RBFOX2: variants seen among roughly 807,000 people sequenced by gnomAD.
RBFOX2 encodes the protein RNA binding fox-1 homolog 2.
In RBFOX2, 10 loss-of-function variants were observed where a neutral mutation model predicts 49.1. That is an observed-to-expected ratio of 0.20 (90% CI 0.13 to 0.35). RBFOX2 has a LOEUF of 0.35. Among genes scored for constraint, RBFOX2 ranks in the 10% least tolerant of loss-of-function variants. RBFOX2 has a pLI of 1.00. For synonymous variants in RBFOX2, 183 were observed against 187.4 expected, an observed-to-expected ratio of 0.98 and a Z score of 0.19; for missense variants, 323 against 486.9, an observed-to-expected ratio of 0.66 and a Z score of 3.17.
At chr22:35,867,776 T>C (rs902836299) in intron 1 of RBFOX2, among the ~76,000 whole-genome samples, 1 of 152,228 alleles carries the variant, frequency 6.6e-6, no homozygotes, top group Non-Finnish European at 1.5e-5. Context: ...TTTAAATTTT[T>C]TCTTTTTTAC....
chr22:35,805,123 T>TA lies in RBFOX2; in HGVS notation c.252+4656dup, dbSNP rs1183703595. ...TAACACAGTGAAACCCCGTCTCTAC[T>TA]AAAAAAAACACAAAAAATTAGCCGG... On this transcript the variant is annotated intron_variant, in intron 2 of 11. Coordinates refer to ENST00000405409, the Ensembl canonical transcript of RBFOX2. Among the ~76,000 whole-genome samples, 337 of 150,800 alleles carry TA rather than the reference T, an allele frequency of 2.2e-3. 6 individuals are homozygous for TA. Among genetic ancestry groups the TA allele is most frequent in the Middle Eastern group, 3.4e-3 (1 of 292 alleles).
intron 2 of RBFOX2, among the ~76,000 whole-genome samples, chr22:35,806,102 G>A (rs1270731102): frequency 6.6e-6 from 1 of 152,122 alleles, no homozygotes; most frequent in East Asian, 1.9e-4. Context: ...ACGTACACCA[G>A]TAAGAGTAAA....
At chr22:35,897,032 G>A (rs1457630946) in intron 1 of RBFOX2, among the ~76,000 whole-genome samples, 2 of 152,104 alleles carry the variant, frequency 1.3e-5, no homozygotes, top group Non-Finnish European at 2.9e-5. Flanking sequence ...ATACCATACT[G>A]TAAATAACTA....
intron 1 of RBFOX2, among the ~76,000 whole-genome samples, chr22:35,957,812 A>G (rs1244637702): frequency 6.6e-6 from 1 of 152,244 alleles, no homozygotes; most frequent in Non-Finnish European, 1.5e-5. Flanking sequence ...TCTGAATGGA[A>G]TAACAGACTA....
intron 1 of RBFOX2, among the ~76,000 whole-genome samples, chr22:35,875,521 C>T (rs2044913686): frequency 6.6e-6 from 1 of 151,588 alleles, no homozygotes; most frequent in Admixed American, 6.6e-5. Flanking sequence ...CGGTCAGAAT[C>T]GATTCTGTAC....
intron 1 of RBFOX2, among the ~76,000 whole-genome samples, chr22:35,885,843 ATTTTTTTTTTT>A (rs538674450): frequency 0.024 from 2,003 of 83,108 alleles, 28 homozygotes; most frequent in Middle Eastern, 0.076. Context: ...CCCAAACCTA[ATTTTTTTTTTT>A]TTTTTTTTTT....
chr22:35,898,528 C>T lies in RBFOX2; in HGVS notation c.-34+40319G>A, dbSNP rs141254449. 9.3e-4 allele frequency: 245 copies of T among 263,430 alleles called. 1 individual carries two copies. Among genetic ancestry groups the T allele is most frequent in the African/African-American group, 4.4e-3 (190 of 43,412 alleles). 16.3% of individuals were successfully genotyped at this position (263,430 alleles called of 1,614,324 possible). ...GCAACCTCTGCCTCCCAGGCTCAAG[C>T]GATCCTCTCACCTCAGCCTCCAGAG... On this transcript the variant is annotated intron_variant, in intron 1 of 13. Transcript: ENST00000359369.
chr22:35,778,945 A>G lies in RBFOX2; in HGVS notation c.400-867T>C, dbSNP rs547006930. On this transcript the variant is annotated intron_variant, in intron 3 of 11. Transcript: ENST00000405409. ...TTAACTTAGCAATAGATTGTGAACA[A>G]CTATCCGAATCAATATATAACTGTG... Among the ~76,000 whole-genome samples the G allele has an allele frequency of 1.2e-4, 19 of 152,316 alleles. No individual in the cohort carries two copies. The East Asian group carries it at 3.7e-3, about 29-fold the overall frequency.
intron 2 of RBFOX2, among the ~76,000 whole-genome samples, chr22:35,791,021 A>C (rs1178052955): frequency 1.3e-5 from 2 of 151,760 alleles, no homozygotes; most frequent in East Asian, 1.9e-4. Flanking sequence ...ACAAAAAACA[A>C]ACACACACAC....
chr22:36,015,982 T>C (rs1375218116), intron 1 of RBFOX2, among the ~76,000 whole-genome samples: 1 of 152,164 alleles, frequency 6.6e-6, no homozygotes, highest in Non-Finnish European at 1.5e-5. Flanking sequence ...GCTTTTCCAC[T>C]TGCCTAATGG....
intron 2 of RBFOX2, among the ~76,000 whole-genome samples, chr22:35,792,041 G>T (rs1039104132): frequency 6.6e-6 from 1 of 152,130 alleles, no homozygotes. Flanking sequence ...CTATTGCTGG[G>T]TGTGGAGGCT....
At chr22:35,814,857 C>G (rs1297114780) in intron 1 of RBFOX2, among the ~76,000 whole-genome samples, 1 of 151,868 alleles carries the variant, frequency 6.6e-6, no homozygotes, top group Non-Finnish European at 1.5e-5. Flanking sequence ...GAGTTTGAGA[C>G]CAACCTGGGC....
chr22:36,017,175 G>A (rs1007426970), intron 1 of RBFOX2, among the ~76,000 whole-genome samples: 1 of 152,176 alleles, frequency 6.6e-6, no homozygotes, highest in Admixed American at 6.5e-5. Flanking sequence ...CAATATGAGT[G>A]ATGTGAAAAA....
intron 1 of RBFOX2, among the ~76,000 whole-genome samples, chr22:36,016,161 C>T (rs908522167): frequency 7.2e-5 from 11 of 152,008 alleles, no homozygotes; most frequent in Non-Finnish European, 1.6e-4. Context: ...AATTAAGGCC[C>T]ACTCCTTCAA....
intron 1 of RBFOX2, among the ~76,000 whole-genome samples, chr22:35,877,272 GGACAGGAAGGGA>G (rs1360882020): frequency 6.6e-6 from 1 of 151,830 alleles, no homozygotes; most frequent in Admixed American, 6.6e-5. Context: ...CTTGCTAAAA[GGACAGGAAGGGA>G]GAAAGGAAGA....
intron 1 of RBFOX2, among the ~76,000 whole-genome samples, chr22:35,885,168 C>T (rs565937840): frequency 1.5e-3 from 228 of 152,058 alleles, no homozygotes; most frequent in Admixed American, 3.1e-3. Context: ...TCTAAAATTA[C>T]TTAAATATAG....
intron 1 of RBFOX2, among the ~76,000 whole-genome samples, chr22:35,956,883 G>A (rs982011661): frequency 3.3e-5 from 5 of 152,178 alleles, no homozygotes; most frequent in Admixed American, 3.3e-4. Flanking sequence ...TGGAGAATTA[G>A]TAATAGTAAT....
rs2043308481 is a variant in RBFOX2 at position 35,863,325 on chromosome 22, G to T, written c.-33-53321C>A. 2.0e-5 allele frequency among the ~76,000 whole-genome samples: 3 copies of T among 152,118 alleles called. No homozygotes were observed. In the South Asian group the frequency reaches 6.2e-4, roughly 32 times the overall value. The stretch of plus-strand genomic sequence containing the variant: ...CAAGAAGGGAATATCAATAAATAAA[G>T]GAGGAGAGAAAATTGAAGTGATTTT... On this transcript the variant is annotated intron_variant, in intron 1 of 13. Coordinates refer to the RBFOX2 transcript ENST00000359369.
intron 5 of RBFOX2, among the ~76,000 whole-genome samples, chr22:35,766,811 G>A (rs908418059): frequency 1.3e-5 from 2 of 152,148 alleles, no homozygotes; most frequent in African/African-American, 2.4e-5. Flanking sequence ...CACTTAAAAG[G>A]AAAAATGGCC....
Sources: gnomAD v4.1 joint callset for allele counts (sites outside exome capture counted in the v4.1 genomes callset) on GRCh38, gnomAD v4.1.1 for gene constraint, MANE v1.5 for transcripts, NCBI Gene and HGNC (gene_info 2026-07-23, HGNC 2026-07-21) for gene names.